TRIOBP: variants seen among roughly 807,000 people sequenced by gnomAD.
TRIOBP encodes TRIO and F-actin binding protein, also known as TRIO and F-actin-binding protein.
A neutral mutation model predicts 238.8 loss-of-function variants in TRIOBP; 169 were observed. The observed-to-expected ratio is 0.71, with a 90% CI of 0.62 to 0.80. The LOEUF (loss-of-function observed/expected upper bound fraction) is 0.80. TRIOBP is among the 30% of genes least tolerant of loss of function. The pLI is 0.00. For synonymous variants in TRIOBP, 1,150 were observed against 1,274.4 expected, an observed-to-expected ratio of 0.90 and a Z score of 2.08; for missense variants, 2,838 against 3,122.6, an observed-to-expected ratio of 0.91 and a Z score of 2.17.
At chr22:37,745,179 GA>G (rs1456215667) in intron 11 of TRIOBP, among the ~76,000 whole-genome samples, 1 of 152,002 alleles carries the variant, frequency 6.6e-6, no homozygotes, top group Non-Finnish European at 1.5e-5. Flanking sequence ...AATAATTTTT[GA>G]ACCCCAAATC....
chr22:37,710,894 C>T (rs1046180131), intron 4 of TRIOBP, among the ~76,000 whole-genome samples: 2 of 152,226 alleles, frequency 1.3e-5, no homozygotes, highest in African/African-American at 2.4e-5. Context: ...GCTGTACACT[C>T]ACCTTGCAGT....
chr22:37,751,760 A>G lies in TRIOBP; in HGVS notation c.5323-12A>G. On this transcript the variant is annotated splice_polypyrimidine_tract_variant and intron_variant, in intron 11 of 23. Transcript: ENST00000644935. ...CTGGACCCAACTCACCTCCCTCCTCATCTCCCCACAGCCCGATCTGCTCAA... is the reference window on the plus strand; with the variant it reads ...CTGGACCCAACTCACCTCCCTCCTCGTCTCCCCACAGCCCGATCTGCTCAA... The G allele has an allele frequency of 6.2e-7, 1 of 1,613,856 alleles. No individual in the cohort carries two copies. The highest frequency in any genetic ancestry group is 8.5e-7 in the Non-Finnish European group (1 of 1,179,920).
chr22:37,769,127 GCGCGAGCACA>G lies in TRIOBP; in HGVS notation c.6679_6688del (p.Glu2227CysfsTer26). On this transcript the variant is annotated frameshift_variant, in exon 20 of 24. Coordinates refer to ENST00000644935, the MANE Select transcript of TRIOBP (RefSeq NM_001039141.3). LOFTEE classifies it high-confidence loss of function. ...GGGCACTCATGCGGCAGGCTGAGGA[GCGCGAGCACA>G]CGCTGCGCCGCTGCCAGCAGGAGGG... The G allele has an allele frequency of 6.2e-7, 1 of 1,613,188 alleles. No homozygotes were observed. Among genetic ancestry groups the G allele is most frequent in the Non-Finnish European group, 8.5e-7 (1 of 1,179,972 alleles).
intron 18 of TRIOBP, among the ~76,000 whole-genome samples, chr22:37,766,393 A>G (rs982996129): frequency 6.6e-6 from 1 of 152,266 alleles, no homozygotes; most frequent in East Asian, 1.9e-4. Context: ...ATGCTGGCCA[A>G]TGTCACATGA....
intron 2 of TRIOBP, among the ~76,000 whole-genome samples, chr22:37,699,285 A>G (rs1922520010): frequency 1.3e-5 from 2 of 152,170 alleles, no homozygotes; most frequent in Admixed American, 6.5e-5. Context: ...ATACCTGGCC[A>G]GCTTTTTGCC....
chr22:37,749,824 G>C (rs561733490), intron 11 of TRIOBP, among the ~76,000 whole-genome samples: 1 of 151,462 alleles, frequency 6.6e-6, no homozygotes, highest in Non-Finnish European at 1.5e-5. Context: ...GCATGGTGGA[G>C]TGCTTATGTC....
Position 37,757,922 on chromosome 22 carries a change from G to A in TRIOBP, c.5997G>A (p.Glu1999=). The part of the protein sequence containing the change: ...WFEATDSRTP[E]VPAGEGPRRG... Reference sequence around the variant, plus strand: ...AGGCCACAGACAGCAGGACCCCAGAGGTGCCTGCTGGTGAGGGGCCGCGCC... The same window carrying A: ...AGGCCACAGACAGCAGGACCCCAGAAGTGCCTGCTGGTGAGGGGCCGCGCC... Residue 1999 remains glutamate, a synonymous_variant, in exon 16 of 24, where the codon GAG becomes GAA. Coordinates refer to ENST00000644935, the MANE Select transcript of TRIOBP (RefSeq NM_001039141.3). The A allele has an allele frequency of 6.4e-7, 1 of 1,554,398 alleles. No homozygotes were observed. The highest frequency in any genetic ancestry group is 1.2e-5 in the South Asian group (1 of 84,514).
In TRIOBP at chr22:37,733,666, C is replaced by CTT. The variant is rs529942326; in HGVS notation, c.4062+275_4062+276dup. 2.5e-3 allele frequency among the ~76,000 whole-genome samples: 248 copies of CTT among 97,388 alleles called. 2 individuals carry two copies. Among genetic ancestry groups the CTT allele is most frequent in the African/African-American group, 5.3e-3 (139 of 26,102 alleles). The allele number at this position is 97,388 out of a possible 152,430, so 63.9% of individuals were successfully genotyped here. A position where few individuals can be genotyped will look rare whatever the true frequency, so the allele number is the denominator to read the frequency against. On this transcript the variant is annotated intron_variant, in intron 8 of 23. Coordinates refer to ENST00000644935, the MANE Select transcript of TRIOBP (RefSeq NM_001039141.3). ...CCCTTCCTTTACTAAGCACTGCTGT[C>CTT]TTTTTTTTTTTTTTTTTTTTTTGAG...
intron 11 of TRIOBP, chr22:37,750,788 A>G: frequency 2.1e-6 from 1 of 465,598 alleles, no homozygotes; most frequent in South Asian, 1.6e-5. Flanking sequence ...GGGTCGGGAG[A>G]GGTGGCCAGG....
intron 16 of TRIOBP, among the ~76,000 whole-genome samples, chr22:37,758,446 G>T (rs1437772151): frequency 2.6e-5 from 4 of 152,188 alleles, no homozygotes; most frequent in Non-Finnish European, 5.9e-5. Context: ...AGGCCAAGGT[G>T]GGAGGGTCCC....
intron 3 of TRIOBP, among the ~76,000 whole-genome samples, chr22:37,709,985 T>C (rs1377493926): frequency 6.6e-6 from 1 of 152,216 alleles, no homozygotes; most frequent in Non-Finnish European, 1.5e-5. Flanking sequence ...GCCCTTGTCT[T>C]TTGGCCGCAA....
intron 7 of TRIOBP, among the ~76,000 whole-genome samples, chr22:37,727,472 G>T (rs1032925633): frequency 4.6e-5 from 7 of 151,854 alleles, no homozygotes; most frequent in Non-Finnish European, 8.8e-5. Flanking sequence ...ATCGACAGCA[G>T]CCTGGCTAAC....
At chr22:37,737,618 G>A (rs986656147) in intron 9 of TRIOBP, among the ~76,000 whole-genome samples, 3 of 139,428 alleles carry the variant, frequency 2.2e-5, no homozygotes, top group African/African-American at 8.3e-5. Context: ...CCGAGATCAC[G>A]CCACTGCACT....
At position 37,776,545 on chromosome 22, in the gene TRIOBP, G is replaced by A. The variant is rs1464613195; in HGVS notation, c.*2765G>A. Reference sequence around the variant, plus strand: ...GTCAGTAGTAGAATGAATAAATTGTGGTCGATTCATACGTTAGAATACAGC... The same window carrying A: ...GTCAGTAGTAGAATGAATAAATTGTAGTCGATTCATACGTTAGAATACAGC... On this transcript the variant is annotated 3_prime_UTR_variant, in exon 24 of 24. Coordinates refer to ENST00000644935, the MANE Select transcript of TRIOBP (RefSeq NM_001039141.3). 6.6e-6 allele frequency: 1 copy of A among 152,152 alleles called. No individual in the cohort carries two copies. Among genetic ancestry groups the A allele is most frequent in the Non-Finnish European group, 1.5e-5 (1 of 68,034 alleles). 9.4% of individuals were successfully genotyped at this position (152,152 alleles called of 1,614,324 possible). A position where few individuals can be genotyped will look rare whatever the true frequency, so the allele number is the denominator to read the frequency against.
intron 9 of TRIOBP, among the ~76,000 whole-genome samples, chr22:37,737,605 G>A (rs1456639703): frequency 1.3e-5 from 2 of 148,356 alleles, no homozygotes; most frequent in Non-Finnish European, 3.0e-5. Context: ...AAGTTGCAGT[G>A]AGCCGAGATC....
intron 17 of TRIOBP, among the ~76,000 whole-genome samples, chr22:37,762,789 ACAGCTGGGAGGGATTCCC>A (rs1926309968): frequency 6.6e-6 from 1 of 152,088 alleles, no homozygotes; most frequent in Admixed American, 6.5e-5. Flanking sequence ...TGGAGGAGTG[ACAGCTGGGAGGGATTCCC>A]CAGCTGGTAT....
intron 6 of TRIOBP, among the ~76,000 whole-genome samples, chr22:37,716,576 C>T (rs1238610345): frequency 2.6e-5 from 4 of 152,174 alleles, no homozygotes; most frequent in African/African-American, 9.7e-5. Flanking sequence ...ATTACAGGCA[C>T]CCGCCACCAC....
chr22:37,716,420 T>C (rs1923522664), intron 6 of TRIOBP, among the ~76,000 whole-genome samples: 2 of 144,922 alleles, frequency 1.4e-5, no homozygotes, highest in African/African-American at 2.5e-5. Context: ...AGCCTGTTAT[T>C]ATTATTATTA....
At chr22:37,736,773 A>G (rs953799205) in intron 9 of TRIOBP, among the ~76,000 whole-genome samples, 2 of 152,220 alleles carry the variant, frequency 1.3e-5, no homozygotes, top group East Asian at 1.9e-4. Context: ...GATTACAGGC[A>G]TGTGCCACCA....
Sources: allele counts gnomAD v4.1 joint callset (sites outside exome capture counted in the v4.1 genomes callset), GRCh38; gene constraint gnomAD v4.1.1; transcripts MANE v1.5; gene names NCBI Gene and HGNC (gene_info 2026-07-23, HGNC 2026-07-21).